PTPN21: variants seen among roughly 807,000 people sequenced by gnomAD.
PTPN21 encodes tyrosine-protein phosphatase non-receptor type 21.
PTPN21 carries 77 observed loss-of-function variants against 131.8 expected under a neutral mutation model. The ratio of observed to expected loss-of-function variants is 0.58; its 90% CI spans 0.49 to 0.71. The LOEUF (loss-of-function observed/expected upper bound fraction) is 0.71. Ranked by LOEUF, PTPN21 falls within the 30% of genes least tolerant of loss-of-function variation. The pLI is 0.00. For missense variants in PTPN21, 1,552 were observed against 1,527.1 expected, an observed-to-expected ratio of 1.02 and a Z score of -0.27; for synonymous variants, 715 against 621.3, an observed-to-expected ratio of 1.15 and a Z score of -2.24.
Position 88,468,079 on chromosome 14 carries a change from C to CT in PTPN21, c.*57dup, listed in dbSNP as rs748590887. ...CGGGAAAGTATGAGTTAGGCAAGCG[C>CT]TTTTTTTTTAAGCTGTAAACGCTTC... On this transcript the variant is annotated 3_prime_UTR_variant, in exon 19 of 19. Transcript: ENST00000556564. 1.9e-4 allele frequency: 303 copies of CT among 1,561,134 alleles called. No individual in the cohort carries two copies. Among genetic ancestry groups the CT allele is most frequent in the Admixed American group, 3.1e-4 (18 of 57,234 alleles).
At chr14:88,553,765 A>G (rs1362162843) in intron 1 of PTPN21, among the ~76,000 whole-genome samples, 1 of 152,004 alleles carries the variant, frequency 6.6e-6, no homozygotes, top group Non-Finnish European at 1.5e-5. Flanking sequence ...AAAGTTCCTC[A>G]AATACACTTT....
At chr14:88,473,899 A>G (rs1046671513) in intron 13 of PTPN21, 97 bp from the exon 14 acceptor site, 9 of 1,085,768 alleles carry the variant, frequency 8.3e-6, no homozygotes, top group Non-Finnish European at 1.2e-5. Context: ...ACACAGAGGG[A>G]GTGTTCTCCT....
At chr14:88,527,081 T>C (rs1160097509) in intron 2 of PTPN21, among the ~76,000 whole-genome samples, 14 of 152,224 alleles carry the variant, frequency 9.2e-5, no homozygotes, top group African/African-American at 3.4e-4. Context: ...GCTGGTTCCA[T>C]ATTTTTGCAA....
chr14:88,507,247 C>T (rs1162757281), intron 4 of PTPN21, among the ~76,000 whole-genome samples: 1 of 152,082 alleles, frequency 6.6e-6, no homozygotes, highest in Non-Finnish European at 1.5e-5. Context: ...CAGACAAAGT[C>T]TTTGAACTAG....
At position 88,517,200 on chromosome 14, in the gene PTPN21, T is replaced by C. The variant is rs750809643; in HGVS notation, c.242A>G (p.Glu81Gly). The change falls in exon 3 of 19, where the codon GAA (glutamate) becomes GGA (glycine). Residue 81 changes from glutamate to glycine, a missense_variant. Physicochemically the swap from Glu to Gly is moderately conservative, Grantham distance 98. Transcript: ENST00000556564. Reference sequence around the variant, plus strand: ...ATCCAGCTGCTTCTTCAAAGGTTTTTCCAAATCTACCCACCGGCGCTGATT... The same window carrying C: ...ATCCAGCTGCTTCTTCAAAGGTTTTCCCAAATCTACCCACCGGCGCTGATT... ...KQNQRRWVDL[E>G]KPLKKQLDKY... The C allele has an allele frequency of 6.2e-7, 1 of 1,614,106 alleles. No homozygotes were observed. Among genetic ancestry groups the C allele is most frequent in the Non-Finnish European group, 8.5e-7 (1 of 1,180,000 alleles).
chr14:88,519,728 ATCCC>A (rs2078361061), intron 2 of PTPN21, among the ~76,000 whole-genome samples: 1 of 152,146 alleles, frequency 6.6e-6, no homozygotes, highest in Admixed American at 6.5e-5. Flanking sequence ...ATATCCACAA[ATCCC>A]TAGAATACTG....
At chr14:88,540,053 G>A (rs1285222596) in intron 2 of PTPN21, among the ~76,000 whole-genome samples, 1 of 152,142 alleles carries the variant, frequency 6.6e-6, no homozygotes, top group Non-Finnish European at 1.5e-5. Flanking sequence ...GGATGTTATG[G>A]TGAATATCTT....
intron 2 of PTPN21, among the ~76,000 whole-genome samples, chr14:88,534,911 C>T (rs1414247378): frequency 6.6e-6 from 1 of 152,000 alleles, no homozygotes; most frequent in African/African-American, 2.4e-5. Flanking sequence ...TTTAATGTAG[C>T]CTAGCTGTAC....
At chr14:88,527,008 G>A (rs2078488718) in intron 2 of PTPN21, among the ~76,000 whole-genome samples, 1 of 152,076 alleles carries the variant, frequency 6.6e-6, no homozygotes, top group South Asian at 2.1e-4. Context: ...GTATTCCATG[G>A]TGTGTGCGTG....
intron 2 of PTPN21, among the ~76,000 whole-genome samples, chr14:88,549,396 G>A (rs573818914): frequency 6.6e-6 from 1 of 152,208 alleles, no homozygotes; most frequent in South Asian, 2.1e-4. Flanking sequence ...TACCTTAGAG[G>A]GGGAATATAA....
chr14:88,486,703 C>T (rs933891415), intron 10 of PTPN21, among the ~76,000 whole-genome samples: 7 of 152,040 alleles, frequency 4.6e-5, no homozygotes, highest in Non-Finnish European at 7.4e-5. Flanking sequence ...TAAGGCCAGG[C>T]GCAGTGGCTC....
intron 2 of PTPN21, among the ~76,000 whole-genome samples, chr14:88,527,477 G>A (rs1336507726): frequency 6.6e-6 from 1 of 152,132 alleles, no homozygotes; most frequent in Non-Finnish European, 1.5e-5. Context: ...TCTAACTCAT[G>A]TCTTTAGCCC....
At chr14:88,483,601 C>G (rs984591610) in intron 12 of PTPN21, among the ~76,000 whole-genome samples, 7 of 152,118 alleles carry the variant, frequency 4.6e-5, no homozygotes, top group Non-Finnish European at 7.4e-5. Context: ...AGTTCCTTAC[C>G]CGAGAGGAAA....
intron 11 of PTPN21, 22 bp from the exon 12 acceptor site, chr14:88,485,182 A>C: frequency 6.7e-7 from 1 of 1,500,630 alleles, no homozygotes; most frequent in Non-Finnish European, 9.1e-7. Flanking sequence ...AGAGTTTGAC[A>C]CAGGGTTGAA....
rs760164222 is a variant in PTPN21, at chr14:88,469,059, G to A, written c.3253C>T (p.Gln1085Ter). The change falls in exon 18 of 19, where the codon CAG (glutamine) becomes TAG (stop). Residue 1085 changes from glutamine to a stop codon, truncating the protein, a stop_gained. Coordinates refer to ENST00000556564, the MANE Select transcript of PTPN21 (RefSeq NM_007039.4). LOFTEE classifies it high-confidence loss of function. The surrounding 1 kb of genome is among the most constrained non-coding windows in gnomAD (Gnocchi z 4.3). ...CTATTTGTATGGCGTCGAACAGACT[G>A]GATCTCTTCAAGATATGCTGTGGAA... ...KGFLSYLEEI[Q>*]SVRRHTNSTS... 7.4e-6 allele frequency: 12 copies of A among 1,613,224 alleles called. No homozygotes were observed. In the South Asian group the frequency reaches 9.9e-5, roughly 13 times the overall value.
At chr14:88,505,086 G>T (rs575873840) in intron 5 of PTPN21, among the ~76,000 whole-genome samples, 1 of 152,150 alleles carries the variant, frequency 6.6e-6, no homozygotes, top group Non-Finnish European at 1.5e-5. Flanking sequence ...CAGGCACAGT[G>T]CAGTGACTAC....
At chr14:88,536,167 C>T (rs1324835973) in intron 2 of PTPN21, among the ~76,000 whole-genome samples, 2 of 152,196 alleles carry the variant, frequency 1.3e-5, no homozygotes, top group Non-Finnish European at 2.9e-5. Context: ...TAGATCAATT[C>T]TCAATAGTCA....
chr14:88,551,570 C>T (rs1435177378), intron 1 of PTPN21: 2 of 152,252 alleles, frequency 1.3e-5, no homozygotes, highest in Admixed American at 6.5e-5. Flanking sequence ...CCCTCGGCTC[C>T]CGAAGGGAAC....
In PTPN21 at chr14:88,517,125, G is replaced by A; in HGVS notation, c.317C>T (p.Pro106Leu). The change falls in exon 3 of 19, where the codon CCT becomes CTT. Residue 106 changes from proline (P) to leucine (L), a missense_variant. Around this residue, in one of 4 missense-constraint regions of PTPN21, gnomAD observed 206 missense variants for 221.6 expected, o/e 0.93. Coordinates refer to ENST00000556564, the MANE Select transcript of PTPN21 (RefSeq NM_007039.4). Reference sequence around the variant, plus strand: ...CTCCTGCTGCAGCTGAGAAACTGAAGGCACATAAAACACCACTCCAAAATA... The same window carrying A: ...CTCCTGCTGCAGCTGAGAAACTGAAAGCACATAAAACACCACTCCAAAATA... ...TVYFGVVFYV[P>L]SVSQLQQEIT... 6.2e-7 allele frequency: 1 copy of A among 1,613,812 alleles called. No homozygotes were observed. Among genetic ancestry groups the A allele is most frequent in the Non-Finnish European group, 8.5e-7 (1 of 1,179,854 alleles).
Sources: allele counts gnomAD v4.1 joint callset (sites outside exome capture counted in the v4.1 genomes callset), GRCh38; gene constraint gnomAD v4.1.1; regional missense constraint gnomAD v4.1.1; non-coding constraint Gnocchi (gnomAD v3.1); transcripts MANE v1.5; gene names NCBI Gene and HGNC (gene_info 2026-07-23, HGNC 2026-07-21).